LRRC17: variants seen among roughly 807,000 people sequenced by gnomAD.
The protein encoded by LRRC17 is leucine rich repeat containing 17, also known as leucine-rich repeat-containing protein 17.
A neutral mutation model predicts 41.5 loss-of-function variants in LRRC17; 33 were observed. The observed-to-expected ratio is 0.80, with a 90% CI of 0.60 to 1.06. The LOEUF (loss-of-function observed/expected upper bound fraction) is 1.06, where lower values mean the gene tolerates loss of function less well. LRRC17 is among the 50% of genes least tolerant of loss of function. The probability of loss-of-function intolerance (pLI) is 0.00; values close to 1 mark genes in which losing one functional copy is unlikely to be tolerated. For synonymous variants in LRRC17, 192 were observed against 197.0 expected, an observed-to-expected ratio of 0.97 and a Z score of 0.21; for missense variants, 491 against 519.3, an observed-to-expected ratio of 0.95 and a Z score of 0.53.
chr7:102,927,309 G>T (rs1818324909), intron 1 of LRRC17, among the ~76,000 whole-genome samples: 1 of 152,194 alleles, frequency 6.6e-6, no homozygotes, highest in Admixed American at 6.5e-5. Context: ...CGCTACATCA[G>T]TCCCAGAAAG....
intron 1 of LRRC17, among the ~76,000 whole-genome samples, chr7:102,919,128 G>A (rs1584935093): frequency 6.6e-6 from 1 of 152,178 alleles, no homozygotes; most frequent in East Asian, 1.9e-4. Flanking sequence ...ATGACATTGT[G>A]TTGATAGCTT....
chr7:102,926,237 A>G, intron 1 of LRRC17: 1 of 1,581,400 alleles, frequency 6.3e-7, no homozygotes, highest in Non-Finnish European at 8.6e-7. Context: ...TGGGAGCATA[A>G]TTTTTTTCAG....
Position 102,933,813 on chromosome 7 carries a change from C to T in LRRC17, c.-101C>T, listed in dbSNP as rs1819687803. On this transcript the variant is annotated 5_prime_UTR_variant, in exon 2 of 4. Coordinates refer to ENST00000339431, the MANE Select transcript of LRRC17 (RefSeq NM_001031692.3). ...GTACCCCAGCTGGGTCTCATTGTTC[C>T]AGAACTGCATTAGTTAAGATTACCC... The T allele has an allele frequency of 1.5e-6, 2 of 1,292,542 alleles. No individual in the cohort carries two copies. The highest frequency in any genetic ancestry group is 2.1e-6 in the Non-Finnish European group (2 of 954,150). The allele number at this position is 1,292,542 out of a possible 1,614,324, so 80.1% of individuals were successfully genotyped here.
intron 1 of LRRC17, among the ~76,000 whole-genome samples, chr7:102,916,888 A>C (rs1216886971): frequency 6.6e-6 from 1 of 152,136 alleles, no homozygotes; most frequent in East Asian, 1.9e-4. Context: ...AGAAACTACA[A>C]AGATTTTTTT....
intron 1 of LRRC17, chr7:102,926,426 A>G: frequency 6.5e-6 from 9 of 1,392,384 alleles, no homozygotes; most frequent in Non-Finnish European, 9.0e-6. Flanking sequence ...AGGCTTTGCA[A>G]TTTCCCCATT....
In LRRC17 at chr7:102,915,984, C is replaced by CT. The variant is rs1167962491; in HGVS notation, c.-141+2852dup. Among the ~76,000 whole-genome samples the CT allele has an allele frequency of 3.1e-3, 448 of 143,944 alleles. 7 individuals carry two copies. The East Asian group carries it at 0.043, about 14-fold the overall frequency. 94.4% of individuals were successfully genotyped at this position (143,944 alleles called of 152,430 possible). On this transcript the variant is annotated intron_variant, in intron 1 of 3. Coordinates refer to ENST00000339431, the MANE Select transcript of LRRC17 (RefSeq NM_001031692.3). ...TAATAAAAGTAGAGATGAGTTTCTTCTTTTTTTTTTTTTGTTTGAGACGGA... is the reference window on the plus strand; with the variant it reads ...TAATAAAAGTAGAGATGAGTTTCTTCTTTTTTTTTTTTTTGTTTGAGACGGA...
Position 102,913,359 on chromosome 7 carries a change from AC to A in LRRC17, c.-141+216del, listed in dbSNP as rs200379084. 2.9e-4 allele frequency: 274 copies of A among 933,508 alleles called. 1 individual carries two copies. In the East Asian group the frequency reaches 6.6e-3, roughly 23 times the overall value. 57.8% of individuals were successfully genotyped at this position (933,508 alleles called of 1,614,324 possible). ...CATTTAACTTTACTGTTAACTCTCT[AC>A]CTGTTAATTAAAGGAGACTACAGTG... On this transcript the variant is annotated intron_variant, in intron 1 of 3. Coordinates refer to ENST00000339431, the MANE Select transcript of LRRC17 (RefSeq NM_001031692.3).
At chr7:102,919,754 A>G (rs1420322604) in intron 1 of LRRC17, among the ~76,000 whole-genome samples, 2 of 152,220 alleles carry the variant, frequency 1.3e-5, no homozygotes, top group African/African-American at 2.4e-5. Flanking sequence ...TTTATCCTCC[A>G]AGATAATAGT....
intron 1 of LRRC17, among the ~76,000 whole-genome samples, chr7:102,915,730 TA>T (rs904693301): frequency 4.6e-4 from 51 of 110,864 alleles, no homozygotes; most frequent in African/African-American, 2.8e-3. Flanking sequence ...AATTACCAAA[TA>T]AAAAAACATT....
chr7:102,926,983 G>A (rs1306994371), intron 1 of LRRC17, among the ~76,000 whole-genome samples: 4 of 152,210 alleles, frequency 2.6e-5, no homozygotes, highest in Non-Finnish European at 4.4e-5. Flanking sequence ...GAGATTCAAT[G>A]CTGGGAGTAG....
rs1821859588 is a variant in LRRC17 at position 102,943,467 on chromosome 7, A to T, written c.929-743A>T. On this transcript the variant is annotated intron_variant, in intron 3 of 3. Coordinates refer to ENST00000339431, the MANE Select transcript of LRRC17 (RefSeq NM_001031692.3). ...CACAATTTTGCATTTAGACACATTT[A>T]CAGTGAAGAAATATAATTAAAAACA... 2.0e-5 allele frequency among the ~76,000 whole-genome samples: 3 copies of T among 152,224 alleles called. 1 individual carries two copies. In the South Asian group the frequency reaches 6.2e-4, roughly 31 times the overall value.
intron 3 of LRRC17, among the ~76,000 whole-genome samples, chr7:102,940,486 A>C (rs1821215179): frequency 6.6e-6 from 1 of 152,172 alleles, no homozygotes; most frequent in African/African-American, 2.4e-5. Flanking sequence ...CTGGGATTAC[A>C]GGCGTGAGCC....
chr7:102,916,591 C>G (rs1815919822), intron 1 of LRRC17, among the ~76,000 whole-genome samples: 1 of 152,100 alleles, frequency 6.6e-6, no homozygotes, highest in Non-Finnish European at 1.5e-5. Flanking sequence ...CAGTTGACAG[C>G]AAAATCACAG....
chr7:102,939,508 G>C lies in LRRC17; in HGVS notation c.851G>C (p.Arg284Pro). The C allele has an allele frequency of 6.2e-7, 1 of 1,613,792 alleles. No individual in the cohort carries two copies. The highest frequency in any genetic ancestry group is 1.1e-5 in the South Asian group (1 of 91,028). ...TCATACAATAAAATCAACCAACTTCGACCCAAGGAATTTGAAGATGTTCAT... is the reference window on the plus strand; with the variant it reads ...TCATACAATAAAATCAACCAACTTCCACCCAAGGAATTTGAAGATGTTCAT... ...DLSYNKINQLRPKEFEDVHEL... is the reference protein window; with the variant it reads ...DLSYNKINQLPPKEFEDVHEL... The change falls in exon 3 of 4, where the codon CGA becomes CCA. Residue 284 changes from arginine (R) to proline (P), a missense_variant. Transcript: ENST00000339431.
At position 102,929,663 on chromosome 7, in the gene LRRC17, CAAA is replaced by C. The variant is rs35025022; in HGVS notation, c.-140-4092_-140-4090del. 4.9e-3 allele frequency among the ~76,000 whole-genome samples: 444 copies of C among 91,478 alleles called. 1 individual carries two copies. The highest frequency in any genetic ancestry group is 0.02 in the African/African-American group (432 of 21,118). 60.0% of individuals were successfully genotyped at this position (91,478 alleles called of 152,430 possible). On this transcript the variant is annotated intron_variant, in intron 1 of 3. Transcript: ENST00000339431. ...TGGGCAACAGAGTGAGACTCCATCTCAAAAAAAAAAAAAAAAAAAAATTAATTA... is the reference window on the plus strand; with the variant it reads ...TGGGCAACAGAGTGAGACTCCATCTCAAAAAAAAAAAAAAAAAATTAATTA...
intron 3 of LRRC17, among the ~76,000 whole-genome samples, chr7:102,942,776 A>G (rs898429123): frequency 6.6e-6 from 1 of 152,218 alleles, no homozygotes; most frequent in African/African-American, 2.4e-5. Context: ...AACAGATAAT[A>G]TGAAAATAGT....
At chr7:102,916,006 C>T (rs528420336) in intron 1 of LRRC17, among the ~76,000 whole-genome samples, 12 of 149,282 alleles carry the variant, frequency 8.0e-5, no homozygotes, top group African/African-American at 1.5e-4. Context: ...TTGTTTGAGA[C>T]GGAGTCTCAC....
In LRRC17 at chr7:102,934,354, A is replaced by T; in HGVS notation, c.441A>T (p.Glu147Asp). 6.2e-7 allele frequency: 1 copy of T among 1,614,154 alleles called. No homozygotes were observed. Among genetic ancestry groups the T allele is most frequent in the Non-Finnish European group, 8.5e-7 (1 of 1,180,008 alleles). The part of the protein sequence containing the change: ...QHNQIKVLTE[E>D]VFIYTPLLSY... ...ACCAGATCAAAGTCTTGACGGAGGA[A>T]GTGTTCATTTACACACCTCTCTTGA... Residue 147 changes from glutamate to aspartate, a missense_variant, in exon 2 of 4, where the codon GAA (glutamate) becomes GAT (aspartate). By Grantham distance (45) the Glu-to-Asp change is conservative. Coordinates refer to ENST00000339431, the MANE Select transcript of LRRC17 (RefSeq NM_001031692.3).
At position 102,934,719 on chromosome 7, in the gene LRRC17, A is replaced by G. The variant is rs1373770756; in HGVS notation, c.772+34A>G. 10 of 1,506,880 alleles carry G rather than the reference A, an allele frequency of 6.6e-6. No individual in the cohort carries two copies. In the South Asian group the frequency reaches 1.3e-4, roughly 19 times the overall value. The allele number at this position is 1,506,880 out of a possible 1,614,324, so 93.3% of individuals were successfully genotyped here. A position where few individuals can be genotyped will look rare whatever the true frequency, so the allele number is the denominator to read the frequency against. On this transcript the variant is annotated intron_variant, in intron 2 of 3. Transcript: ENST00000339431. ...TTTTCTTACTTTTTCATTTTCATGAATAACTTGAAATGCTCTTTGAATCTT... is the reference window on the plus strand; with the variant it reads ...TTTTCTTACTTTTTCATTTTCATGAGTAACTTGAAATGCTCTTTGAATCTT...
Sources: allele counts gnomAD v4.1 joint callset (sites outside exome capture counted in the v4.1 genomes callset), GRCh38; gene constraint gnomAD v4.1.1; transcripts MANE v1.5; gene names NCBI Gene and HGNC (gene_info 2026-07-23, HGNC 2026-07-21).